Variants in GABRB1 observed in about 807,000 individuals in gnomAD.
GABRB1 encodes gamma-aminobutyric acid type A receptor subunit beta1, also known as gamma-aminobutyric acid receptor subunit beta-1.
GABRB1 carries 17 observed loss-of-function variants against 51.6 expected under a neutral mutation model. The ratio of observed to expected loss-of-function variants is 0.33; its 90% confidence interval spans 0.23 to 0.49. The LOEUF is 0.49. GABRB1 is among the 20% of genes least tolerant of loss of function. The pLI, the probability that GABRB1 is intolerant of heterozygous loss-of-function variation, is 0.99. For missense variants in GABRB1, 410 were observed against 600.6 expected, an observed-to-expected ratio of 0.68 and a Z score of 3.32; for synonymous variants, 247 against 218.9, an observed-to-expected ratio of 1.13 and a Z score of -1.14.
rs572825190 is a variant in GABRB1, at chr4:47,302,593, C to T, written c.462-17534C>T. 7.9e-5 allele frequency among the ~76,000 whole-genome samples: 12 copies of T among 151,858 alleles called. No homozygotes were observed. In the East Asian group the frequency reaches 2.1e-3, roughly 27 times the overall value. On this transcript the variant is annotated intron_variant, in intron 4 of 8. Transcript: ENST00000295454. Reference sequence around the variant, plus strand: ...TGCATAAGGAATATTCAAAATTAGGCTTTATGTGTTTATTGTACAATATTT... The same window carrying T: ...TGCATAAGGAATATTCAAAATTAGGTTTTATGTGTTTATTGTACAATATTT...
intron 5 of GABRB1, among the ~76,000 whole-genome samples, chr4:47,370,411 T>C (rs1727146284): frequency 6.7e-6 from 1 of 150,066 alleles, no homozygotes; most frequent in Non-Finnish European, 1.5e-5. Flanking sequence ...CGCTTGAGCC[T>C]GGAAAGCGGA....
chr4:47,251,268 G>A (rs1489609595), intron 4 of GABRB1, among the ~76,000 whole-genome samples: 1 of 152,160 alleles, frequency 6.6e-6, no homozygotes, highest in Non-Finnish European at 1.5e-5. Flanking sequence ...TGGTACTGGA[G>A]TTATCTGCAC....
At chr4:47,326,826 G>A (rs1444451563) in intron 5 of GABRB1, among the ~76,000 whole-genome samples, 1 of 152,090 alleles carries the variant, frequency 6.6e-6, no homozygotes, top group Non-Finnish European at 1.5e-5. Context: ...CCCAGTTTAC[G>A]GCATTTTGTC....
chr4:47,313,560 G>T (rs1246547871), intron 4 of GABRB1, among the ~76,000 whole-genome samples: 1 of 152,084 alleles, frequency 6.6e-6, no homozygotes, highest in African/African-American at 2.4e-5. Context: ...GAAGACAAGA[G>T]AGCTGAACAG....
intron 3 of GABRB1, among the ~76,000 whole-genome samples, chr4:47,062,946 G>A (rs144588359): frequency 6.6e-6 from 1 of 152,216 alleles, no homozygotes; most frequent in African/African-American, 2.4e-5. Flanking sequence ...TAGCCTCTGA[G>A]TTTCCAGTTC....
chr4:47,148,682 T>A (rs1450690667), intron 3 of GABRB1, among the ~76,000 whole-genome samples: 1 of 151,728 alleles, frequency 6.6e-6, no homozygotes, highest in African/African-American at 2.4e-5. Flanking sequence ...GGCCTTCCCT[T>A]GGCTAACATT....
At chr4:47,331,392 GT>G (rs1725474012) in intron 5 of GABRB1, among the ~76,000 whole-genome samples, 3 of 152,092 alleles carry the variant, frequency 2.0e-5, no homozygotes, top group Admixed American at 2.0e-4. Context: ...ATGAAAATTA[GT>G]TTTGCAATCA....
At chr4:47,094,773 AAAAG>A (rs1275959989) in intron 3 of GABRB1, among the ~76,000 whole-genome samples, 2 of 152,044 alleles carry the variant, frequency 1.3e-5, no homozygotes, top group African/African-American at 2.4e-5. Flanking sequence ...AAAAAAAAAA[AAAAG>A]AAAGAAAAAG....
At chr4:47,074,469 C>T (rs531583674) in intron 3 of GABRB1, among the ~76,000 whole-genome samples, 1 of 152,266 alleles carries the variant, frequency 6.6e-6, no homozygotes, top group African/African-American at 2.4e-5. Context: ...AAGTGGGAGG[C>T]AGGACATTTT....
intron 3 of GABRB1, among the ~76,000 whole-genome samples, chr4:47,099,475 A>G (rs1184862169): frequency 1.3e-5 from 2 of 152,142 alleles, no homozygotes; most frequent in Non-Finnish European, 1.5e-5. Flanking sequence ...CTAGATAAAT[A>G]TATCTGCCTA....
intron 4 of GABRB1, among the ~76,000 whole-genome samples, chr4:47,182,805 T>C (rs371468547): frequency 6.6e-6 from 1 of 152,096 alleles, no homozygotes; most frequent in East Asian, 1.9e-4. Flanking sequence ...GTCAGTGTTA[T>C]AACAGAGAAA....
At chr4:47,195,561 T>A (rs1719652449) in intron 4 of GABRB1, among the ~76,000 whole-genome samples, 1 of 152,146 alleles carries the variant, frequency 6.6e-6, no homozygotes, top group Non-Finnish European at 1.5e-5. Flanking sequence ...TTCTACCACC[T>A]CATACTCCAA....
In GABRB1 at chr4:47,179,126, C is replaced by T. The variant is rs186875192; in HGVS notation, c.461+17657C>T. ...GTTATCTCTCCCCTAGCCCCTCACC[C>T]CCTGACAGGCCCCAGTGTGTGATGT... is the stretch of plus-strand genomic sequence containing the variant. On this transcript the variant is annotated intron_variant, in intron 4 of 8. Coordinates refer to ENST00000295454, the MANE Select transcript of GABRB1 (RefSeq NM_000812.4). Among the ~76,000 whole-genome samples the T allele has an allele frequency of 1.8e-4, 27 of 152,172 alleles. 1 individual carries two copies. Among genetic ancestry groups the T allele is most frequent in the Middle Eastern group, 3.4e-3 (1 of 294 alleles).
chr4:47,104,839 C>T (rs991053445), intron 3 of GABRB1, among the ~76,000 whole-genome samples: 12 of 151,988 alleles, frequency 7.9e-5, no homozygotes, highest in African/African-American at 2.9e-4. Context: ...ATGAATGCTG[C>T]CCAAGTTTTC....
intron 3 of GABRB1, among the ~76,000 whole-genome samples, chr4:47,143,950 T>A (rs951636220): frequency 2.6e-5 from 4 of 152,074 alleles, no homozygotes; most frequent in Admixed American, 6.6e-5. Context: ...AAACTATCTC[T>A]ACTCCAAAAT....
chr4:47,248,733 G>A (rs1039694579), intron 4 of GABRB1, among the ~76,000 whole-genome samples: 3 of 151,984 alleles, frequency 2.0e-5, no homozygotes, highest in African/African-American at 7.2e-5. Context: ...ATTTGAGCTA[G>A]GATGGTTCTA....
intron 3 of GABRB1, among the ~76,000 whole-genome samples, chr4:47,097,035 C>T (rs188735189): frequency 3.0e-3 from 455 of 152,246 alleles, no homozygotes; most frequent in Non-Finnish European, 4.2e-3. Context: ...TACTTTCTTC[C>T]GCCCTTGATT....
intron 5 of GABRB1, among the ~76,000 whole-genome samples, chr4:47,350,100 T>A (rs1726252699): frequency 6.7e-6 from 1 of 150,246 alleles, no homozygotes; most frequent in Admixed American, 6.6e-5. Context: ...GATAAATTAA[T>A]ATTTGAAAAA....
intron 1 of GABRB1, among the ~76,000 whole-genome samples, chr4:47,022,454 T>C (rs1724953185): frequency 6.6e-6 from 1 of 152,154 alleles, no homozygotes; most frequent in Admixed American, 6.6e-5. Flanking sequence ...CTTTTTTCTA[T>C]GTAGATAATA....
Sources: allele counts gnomAD v4.1 joint callset (sites outside exome capture counted in the v4.1 genomes callset), GRCh38; gene constraint gnomAD v4.1.1; transcripts MANE v1.5; gene names NCBI Gene and HGNC (gene_info 2026-07-23, HGNC 2026-07-21).